The following METTL15 variants were observed in gnomAD, a reference collection of about 807,000 sequenced individuals.
The protein encoded by METTL15 is methyltransferase 15, mitochondrial 12S rRNA N4-cytidine.
A neutral mutation model predicts 38.3 loss-of-function variants in METTL15; 34 were observed. The observed-to-expected ratio is 0.89, with a 90% confidence interval of 0.68 to 1.18. The LOEUF (loss-of-function observed/expected upper bound fraction) is 1.18. METTL15 is among the 50% of genes most tolerant of loss of function. The probability of loss-of-function intolerance (pLI) is 0.00; values close to 1 mark genes in which losing one functional copy is unlikely to be tolerated. For missense variants in METTL15, 438 were observed against 498.4 expected, an observed-to-expected ratio of 0.88 and a Z score of 1.15; for synonymous variants, 162 against 170.9, an observed-to-expected ratio of 0.95 and a Z score of 0.41.
chr11:28,211,089 G>C lies in METTL15; in HGVS notation c.298G>C (p.Gly100Arg), dbSNP rs756339319. The C allele has an allele frequency of 1.9e-6, 3 of 1,610,868 alleles. No individual in the cohort carries two copies. In the South Asian group the frequency reaches 3.3e-5, roughly 18 times the overall value. The change falls in exon 4 of 7, where the codon GGA (glycine) becomes CGA (arginine). Residue 100 changes from glycine (G) to arginine (R), a missense_variant. Coordinates refer to ENST00000407364, the MANE Select transcript of METTL15 (RefSeq NM_001113528.2). ...QIFLDMTFGSGGHTKAILQKE... is the reference protein window; with the variant it reads ...QIFLDMTFGSRGHTKAILQKE... Reference sequence around the variant, plus strand: ...TTTTCTAGATATGACATTTGGTTCGGGAGGGCACACAAAAGCCATTCTGCA... The same window carrying C: ...TTTTCTAGATATGACATTTGGTTCGCGAGGGCACACAAAAGCCATTCTGCA...
At chr11:28,372,973 T>A (rs894222801) in intron 5 of METTL15, among the ~76,000 whole-genome samples, 3 of 151,778 alleles carry the variant, frequency 2.0e-5, no homozygotes, top group African/African-American at 7.3e-5. Context: ...GGCTGCATAG[T>A]ATTCCATGGT....
At chr11:28,140,293 A>G (rs989082493) in intron 3 of METTL15, among the ~76,000 whole-genome samples, 1 of 152,190 alleles carries the variant, frequency 6.6e-6, no homozygotes, top group Non-Finnish European at 1.5e-5. Context: ...GTGCCAGGAT[A>G]ATCCTGGAAC....
intron 5 of METTL15, among the ~76,000 whole-genome samples, chr11:28,399,414 G>C (rs1280285263): frequency 6.6e-6 from 1 of 151,872 alleles, no homozygotes; most frequent in African/African-American, 2.4e-5. Context: ...TACTATTAGG[G>C]AAAATGAAAC....
At chr11:28,276,791 T>C (rs574190277) in intron 4 of METTL15, among the ~76,000 whole-genome samples, 1 of 152,316 alleles carries the variant, frequency 6.6e-6, no homozygotes, top group South Asian at 2.1e-4. Flanking sequence ...TACAGCCAGC[T>C]GATCTTTGAC....
intron 3 of METTL15, among the ~76,000 whole-genome samples, chr11:28,132,694 TTA>T (rs1165216666): frequency 2.0e-5 from 3 of 152,174 alleles, no homozygotes; most frequent in Admixed American, 1.3e-4. Context: ...GCTTATGGTA[TTA>T]CTACATTTCA....
chr11:28,123,961 A>G, intron 3 of METTL15: 2 of 1,053,748 alleles, frequency 1.9e-6, no homozygotes, highest in Non-Finnish European at 1.3e-6. Flanking sequence ...AATAATAACA[A>G]CATAGAGTTG....
chr11:28,267,926 G>A (rs890410854), intron 4 of METTL15, among the ~76,000 whole-genome samples: 6 of 152,024 alleles, frequency 3.9e-5, no homozygotes, highest in South Asian at 2.1e-4. Flanking sequence ...GGCCGGGCGC[G>A]GTGGCTCACG....
At chr11:28,182,955 T>C (rs1050464178) in intron 3 of METTL15, among the ~76,000 whole-genome samples, 1 of 152,142 alleles carries the variant, frequency 6.6e-6, no homozygotes, top group Non-Finnish European at 1.5e-5. Flanking sequence ...GTATTTCTCC[T>C]TGGAAGAGGT....
intron 6 of METTL15, among the ~76,000 whole-genome samples, chr11:28,498,401 G>A (rs530474537): frequency 4.6e-5 from 7 of 151,938 alleles, no homozygotes; most frequent in South Asian, 2.1e-4. Context: ...CTCGTGATCC[G>A]CCCACCTCGG....
chr11:28,202,084 G>A (rs931227968), intron 3 of METTL15, among the ~76,000 whole-genome samples: 1 of 152,076 alleles, frequency 6.6e-6, no homozygotes, highest in African/African-American at 2.4e-5. Context: ...ACATGCTAAA[G>A]TTTTATGTAA....
chr11:28,337,535 A>G (rs930659643), downstream of METTL15, among the ~76,000 whole-genome samples: 6 of 152,072 alleles, frequency 3.9e-5, no homozygotes, highest in Admixed American at 6.6e-5. Context: ...TTTTTTATAT[A>G]TTTAGTGTAA....
chr11:28,265,331 T>G (rs1855370094), intron 4 of METTL15, among the ~76,000 whole-genome samples: 1 of 151,682 alleles, frequency 6.6e-6, no homozygotes. Flanking sequence ...CTATAGAATA[T>G]GATGATGAAG....
intron 4 of METTL15, among the ~76,000 whole-genome samples, chr11:28,214,312 G>A (rs1852773577): frequency 6.6e-6 from 1 of 152,116 alleles, no homozygotes; most frequent in Admixed American, 6.6e-5. Flanking sequence ...GGGATTATAG[G>A]CATGAGCCAC....
chr11:28,238,303 G>A (rs1231654529), intron 4 of METTL15, among the ~76,000 whole-genome samples: 1 of 152,192 alleles, frequency 6.6e-6, no homozygotes, highest in Non-Finnish European at 1.5e-5. Context: ...AGGGAGCCTG[G>A]GCAATGGTGG....
At chr11:28,171,292 T>C (rs1187882206) in intron 3 of METTL15, among the ~76,000 whole-genome samples, 1 of 152,184 alleles carries the variant, frequency 6.6e-6, no homozygotes, top group East Asian at 1.9e-4. Context: ...CTCAGATCAG[T>C]CTTAACTCTT....
intron 5 of METTL15, among the ~76,000 whole-genome samples, chr11:28,369,097 C>A (rs1850218123): frequency 1.3e-5 from 2 of 151,950 alleles, no homozygotes; most frequent in African/African-American, 4.8e-5. Flanking sequence ...CACCTGTATA[C>A]CTATGTAGCA....
Position 28,248,612 on chromosome 11 carries a change from A to AT in METTL15, c.407+37421dup, listed in dbSNP as rs752267505. On this transcript the variant is annotated intron_variant, in intron 4 of 6. Transcript: ENST00000407364. ...TTTAAACCACTTATTCTAAACTATAATTTTTTTAGAGAATGTACATTTATC... is the reference window on the plus strand; with the variant it reads ...TTTAAACCACTTATTCTAAACTATAATTTTTTTTAGAGAATGTACATTTATC... Among the ~76,000 whole-genome samples, 9 of 152,192 alleles carry AT rather than the reference A, an allele frequency of 5.9e-5. No homozygotes were observed. In the South Asian group the frequency reaches 8.3e-4, roughly 14 times the overall value.
At chr11:28,210,455 G>A (rs1233169644) in intron 3 of METTL15, among the ~76,000 whole-genome samples, 1 of 151,352 alleles carries the variant, frequency 6.6e-6, no homozygotes, top group African/African-American at 2.4e-5. Context: ...CAAACCTAGA[G>A]TTTACCCTAG....
intron 6 of METTL15, among the ~76,000 whole-genome samples, chr11:28,466,201 T>A (rs747942096): frequency 2.6e-5 from 4 of 152,146 alleles, no homozygotes; most frequent in African/African-American, 4.8e-5. Flanking sequence ...GTGATTAGTA[T>A]CAGAAGGCAG....
Sources: gnomAD v4.1 joint callset for allele counts (sites outside exome capture counted in the v4.1 genomes callset) on GRCh38, gnomAD v4.1.1 for gene constraint, MANE v1.5 for transcripts, NCBI Gene and HGNC (gene_info 2026-07-23, HGNC 2026-07-21) for gene names.